Variants in DMD observed in about 807,000 individuals in gnomAD.
DMD encodes mutant dystrophin.
DMD carries 63 observed loss-of-function variants against 330.1 expected under a neutral mutation model. The ratio of observed to expected loss-of-function variants is 0.19; its 90% CI spans 0.16 to 0.24. The LOEUF is 0.24. DMD is among the 10% of genes least tolerant of loss of function. The pLI is 1.00. For missense variants in DMD, 3,344 were observed against 2,684.1 expected, an observed-to-expected ratio of 1.25 and a Z score of -5.43; for synonymous variants, 1,223 against 959.8, an observed-to-expected ratio of 1.27 and a Z score of -5.07.
intron 60 of DMD, among the ~76,000 whole-genome samples, chrX:31,372,358 T>C (rs1407092407): frequency 9.0e-6 from 1 of 111,475 alleles, no homozygotes; most frequent in Non-Finnish European, 1.9e-5. Flanking sequence ...TCAGAAAAAA[T>C]GGTTGGTGTC....
At chrX:33,141,968 C>T (rs1392599038) in intron 1 of DMD, among the ~76,000 whole-genome samples, 1 of 112,806 alleles carries the variant, frequency 8.9e-6, no homozygotes, top group Non-Finnish European at 1.9e-5. Flanking sequence ...TTTGGACACA[C>T]ATGTCCACAC....
rs755943193 is a variant in DMD at position 31,204,091 on chromosome X, G to A, written c.9677C>T (p.Thr3226Ile). 22 of 1,209,708 alleles carry A rather than the reference G, an allele frequency of 1.8e-5. No individual in the cohort carries two copies. The South Asian group carries it at 3.7e-4, about 20-fold the overall frequency. ...CAGCCTGCGCTGGTCACAAAATCCT[G>A]TTGAACTTGCCACTTGCTTGAAAAG... Reference protein sequence around the residue: ...RYLFKQVASSTGFCDQRRLGL... With the variant: ...RYLFKQVASSIGFCDQRRLGL... Residue 3226 changes from threonine to isoleucine, a missense_variant, in exon 67 of 79, where the codon ACA (threonine) becomes ATA (isoleucine). Coordinates refer to ENST00000357033, the MANE Select transcript of DMD (RefSeq NM_004006.3).
chrX:32,180,669 GAC>G (rs1302738677), intron 44 of DMD, among the ~76,000 whole-genome samples: 4 of 111,381 alleles, frequency 3.6e-5, no homozygotes, highest in Non-Finnish European at 5.7e-5. Context: ...AGGTTTAATT[GAC>G]ACACAGTTCA....
chrX:32,272,404 A>C lies in DMD; in HGVS notation c.6290+15125T>G, dbSNP rs142917197. On this transcript the variant is annotated intron_variant, in intron 43 of 78. Coordinates refer to ENST00000357033, the MANE Select transcript of DMD (RefSeq NM_004006.3). ...ATTTCTGCTACTGATCTCGAACATA[A>C]AGATATCACCTTCAAAAATTTAAAC... 6.5e-3 allele frequency among the ~76,000 whole-genome samples: 729 copies of C among 112,208 alleles called. 9 individuals carry two copies. Among genetic ancestry groups the C allele is most frequent in the African/African-American group, 0.023 (697 of 30,959 alleles).
intron 26 of DMD, among the ~76,000 whole-genome samples, chrX:32,453,411 A>G (rs953662216): frequency 9.0e-6 from 1 of 110,951 alleles, no homozygotes; most frequent in East Asian, 2.8e-4. Context: ...ATATTTATAC[A>G]TATTTATGGA....
chrX:33,066,206 C>A (rs1452764393), intron 1 of DMD, among the ~76,000 whole-genome samples: 1 of 109,465 alleles, frequency 9.1e-6, no homozygotes, highest in African/African-American at 3.3e-5. Context: ...AATCCTAGCA[C>A]TTTGGGAGGC....
chrX:31,508,122 G>T, intron 55 of DMD: 1 of 758,808 alleles, frequency 1.3e-6, no homozygotes, highest in East Asian at 3.5e-5. Context: ...ATAGGACCTT[G>T]GTAAGAGTTA....
At chrX:33,109,140 C>T (rs1004895414) in intron 1 of DMD, among the ~76,000 whole-genome samples, 5 of 110,141 alleles carry the variant, frequency 4.5e-5, no homozygotes, top group African/African-American at 1.6e-4. Context: ...TTAATATATA[C>T]TCATGCTATT....
intron 44 of DMD, among the ~76,000 whole-genome samples, chrX:32,122,141 C>G (rs2096639352): frequency 9.0e-6 from 1 of 111,383 alleles, no homozygotes. Flanking sequence ...AGGGGGCTTT[C>G]TAAAATTCAG....
At chrX:31,372,429 G>C (rs1263085030) in intron 60 of DMD, among the ~76,000 whole-genome samples, 1 of 111,831 alleles carries the variant, frequency 8.9e-6, no homozygotes, top group South Asian at 3.8e-4. Context: ...TAGTTCCTGG[G>C]CTTTGACTCC....
chrX:31,633,047 G>A (rs959228276), intron 54 of DMD, among the ~76,000 whole-genome samples: 8 of 111,504 alleles, frequency 7.2e-5, no homozygotes, highest in Middle Eastern at 4.7e-3. Context: ...GAGAAGGGTG[G>A]TGGCAATGAG....
At chrX:31,685,811 A>G (rs2082653110) in intron 52 of DMD, among the ~76,000 whole-genome samples, 1 of 112,529 alleles carries the variant, frequency 8.9e-6, no homozygotes, top group Non-Finnish European at 1.9e-5. Context: ...GAGTTGGAAT[A>G]GTTAGCCCTG....
chrX:32,472,443 AT>A, intron 21 of DMD, 134 bp from the exon 22 acceptor site: 1 of 594,154 alleles, frequency 1.7e-6, no homozygotes, highest in Non-Finnish European at 2.6e-6. Context: ...TGAAAAATAT[AT>A]TTAATATGAT....
At chrX:33,324,438 A>G (rs1467737230) in intron 1 of DMD, among the ~76,000 whole-genome samples, 2 of 112,125 alleles carry the variant, frequency 1.8e-5, no homozygotes, top group Non-Finnish European at 3.8e-5. Flanking sequence ...ACAACATTGT[A>G]GTTCTATTAG....
chrX:33,212,111 T>G (rs1450640956), upstream of DMD, among the ~76,000 whole-genome samples: 1 of 112,516 alleles, frequency 8.9e-6, no homozygotes, highest in Non-Finnish European at 1.9e-5. Flanking sequence ...AATGTGTGTG[T>G]GTATAGGTCT....
At chrX:32,905,708 T>C (rs1476191340) in intron 2 of DMD, among the ~76,000 whole-genome samples, 1 of 111,727 alleles carries the variant, frequency 9.0e-6, no homozygotes, top group South Asian at 3.8e-4. Flanking sequence ...CCTAGAAGGG[T>C]TGTTGACGTA....
At chrX:32,736,293 T>G (rs766431192) in intron 7 of DMD, among the ~76,000 whole-genome samples, 6 of 110,829 alleles carry the variant, frequency 5.4e-5, no homozygotes, top group Non-Finnish European at 7.6e-5. Context: ...TGTGGAGAAA[T>G]AGGAACACTT....
chrX:33,258,051 C>T (rs770771877), intron 1 of DMD, among the ~76,000 whole-genome samples: 12 of 111,381 alleles, frequency 1.1e-4, no homozygotes, highest in Middle Eastern at 4.6e-3. Flanking sequence ...TGTTTCCTAT[C>T]GTTATTAGAC....
intron 44 of DMD, among the ~76,000 whole-genome samples, chrX:31,971,485 C>T (rs772368518): frequency 4.4e-4 from 49 of 111,303 alleles, no homozygotes; most frequent in Non-Finnish European, 7.9e-4. Context: ...TCAGGGCTTT[C>T]AGGTTTTTTT....
Sources: gnomAD v4.1 joint callset for allele counts (sites outside exome capture counted in the v4.1 genomes callset) on GRCh38, gnomAD v4.1.1 for gene constraint, MANE v1.5 for transcripts, NCBI Gene and HGNC (gene_info 2026-07-23, HGNC 2026-07-21) for gene names.